CNMD: variants seen among roughly 807,000 people sequenced by gnomAD.
CNMD encodes chondromodulin, also known as leukocyte cell-derived chemotaxin 1.
CNMD carries 30 observed loss-of-function variants against 37.5 expected under a neutral mutation model. That is an observed-to-expected ratio of 0.80 (90% CI 0.60 to 1.09). CNMD has a LOEUF of 1.09. Ranked by LOEUF, CNMD falls within the 50% of genes least tolerant of loss-of-function variation. CNMD has a pLI of 0.00. For missense variants in CNMD, 398 were observed against 423.9 expected (o/e 0.94, Z 0.54); for synonymous variants, 167 against 148.2 (o/e 1.13, Z -0.92).
rs971927923 is a variant in CNMD, at chr13:52,739,419, G to A, written c.72+211C>T. The stretch of plus-strand genomic sequence containing the variant: ...CGCCCCAGGACCTGCACCCTCTACC[G>A]GCCACGGGACGTCCCTCCGCACCCG... On this transcript the variant is annotated intron_variant, in intron 1 of 6. Coordinates refer to ENST00000377962, the MANE Select transcript of CNMD (RefSeq NM_007015.3). This position sits in a 1 kb window ranked among gnomAD's most constrained non-coding sequence, Gnocchi z 5.4. 1.8e-5 allele frequency: 12 copies of A among 666,992 alleles called. No homozygotes were observed. The highest frequency in any genetic ancestry group is 2.8e-5 in the Admixed American group (1 of 35,964). The allele number at this position is 666,992 out of a possible 1,614,324, so 41.3% of individuals were successfully genotyped here. A position where few individuals can be genotyped will look rare whatever the true frequency, so the allele number is the denominator to read the frequency against.
At chr13:52,719,357 G>C (rs1964442446) in intron 4 of CNMD, among the ~76,000 whole-genome samples, 1 of 152,166 alleles carries the variant, frequency 6.6e-6, no homozygotes, top group South Asian at 2.1e-4. Flanking sequence ...GTGTGAATTT[G>C]ATCCTATCAT....
intron 4 of CNMD, among the ~76,000 whole-genome samples, chr13:52,722,773 G>A (rs545278058): frequency 1.2e-4 from 18 of 152,232 alleles, no homozygotes; most frequent in Non-Finnish European, 2.4e-4. Flanking sequence ...AAGCTCAAAG[G>A]CAAGTTATTA....
Position 52,724,064 on chromosome 13 carries a change from TTAATG to T in CNMD, c.396_400del (p.Tyr132Ter). 2 of 1,614,112 alleles carry T rather than the reference TTAATG, an allele frequency of 1.2e-6. No individual in the cohort carries two copies. The highest frequency in any genetic ancestry group is 1.7e-6 in the Non-Finnish European group (2 of 1,180,018). On this transcript the variant is annotated stop_gained and frameshift_variant, in exon 4 of 7. Coordinates refer to ENST00000377962, the MANE Select transcript of CNMD (RefSeq NM_007015.3). LOFTEE classifies it high-confidence loss of function. ...AGGAATACGAGCCTTCACTTGCGCTTTAATGTAGCACTTCTCTCCTCCAGCAAAAC... is the reference window on the plus strand; with the variant it reads ...AGGAATACGAGCCTTCACTTGCGCTTTAGCACTTCTCTCCTCCAGCAAAAC...
At chr13:52,728,971 ACCT>A (rs1387417858) in intron 3 of CNMD, among the ~76,000 whole-genome samples, 1 of 152,166 alleles carries the variant, frequency 6.6e-6, no homozygotes, top group Non-Finnish European at 1.5e-5. Flanking sequence ...AGCCAAGCAA[ACCT>A]CCTGTTTTTG....
At chr13:52,710,138 G>A (rs374259294) in intron 5 of CNMD, among the ~76,000 whole-genome samples, 29 of 152,306 alleles carry the variant, frequency 1.9e-4, no homozygotes, top group African/African-American at 7.0e-4. Context: ...AATAAGCACT[G>A]AACTATTAGG....
chr13:52,723,093 G>C (rs766512471), intron 4 of CNMD, among the ~76,000 whole-genome samples: 1 of 151,468 alleles, frequency 6.6e-6, no homozygotes, highest in Non-Finnish European at 1.5e-5. Context: ...AGTCTCTTTC[G>C]GGTTTTTTTA....
chr13:52,730,858 C>T (rs1004959892), intron 3 of CNMD, among the ~76,000 whole-genome samples: 3 of 151,822 alleles, frequency 2.0e-5, no homozygotes, highest in Non-Finnish European at 4.4e-5. Context: ...TATCCTCCGT[C>T]GGGGGTTGTT....
intron 2 of CNMD, among the ~76,000 whole-genome samples, chr13:52,738,578 A>G (rs1964815118): frequency 1.3e-5 from 2 of 152,232 alleles, no homozygotes; most frequent in Admixed American, 6.5e-5. Context: ...TTCCTTCCCA[A>G]TGGGTCTGAA....
chr13:52,709,625 C>G (rs747369764), intron 5 of CNMD, among the ~76,000 whole-genome samples: 2 of 152,144 alleles, frequency 1.3e-5, no homozygotes, highest in Non-Finnish European at 2.9e-5. Context: ...CTCCCTGGCT[C>G]TAGTTTACCA....
rs137927759 is a variant in CNMD at position 52,736,896 on chromosome 13, G to C, written c.213+2135C>G. Among the ~76,000 whole-genome samples the C allele has an allele frequency of 1.6e-3, 238 of 152,262 alleles. 2 individuals carry two copies. Among genetic ancestry groups the C allele is most frequent in the African/African-American group, 5.4e-3 (224 of 41,562 alleles). ...GAAATTTCCCATATTTCAATGCCTT[G>C]TTCCATTTACAATAATGTGGATGAA... On this transcript the variant is annotated intron_variant, in intron 2 of 6. Transcript: ENST00000377962.
chr13:52,704,449 T>C (rs1814844851), intron 6 of CNMD, among the ~76,000 whole-genome samples: 1 of 41,648 alleles, frequency 2.4e-5, no homozygotes, highest in South Asian at 1.2e-3. Flanking sequence ...TGCCTTCTAG[T>C]TTTTTATGTA....
At chr13:52,731,056 A>C (rs1305085308) in intron 3 of CNMD, among the ~76,000 whole-genome samples, 1 of 152,104 alleles carries the variant, frequency 6.6e-6, no homozygotes, top group Non-Finnish European at 1.5e-5. Flanking sequence ...ATTCATGTTC[A>C]CTATTTTTCC....
chr13:52,724,225 G>C, intron 3 of CNMD, 115 bp from the exon 4 acceptor site: 1 of 743,600 alleles, frequency 1.3e-6, no homozygotes. Flanking sequence ...ATGAACAAAA[G>C]AGATGGAACT....
At chr13:52,738,943 G>T in intron 2 of CNMD, 88 bp downstream of exon 2, 2 of 1,269,938 alleles carry the variant, frequency 1.6e-6, no homozygotes, top group South Asian at 2.3e-5. Context: ...GCCGGCAGCC[G>T]CGCGCCCCTC....
chr13:52,738,935 C>G (rs940618563), intron 2 of CNMD, 96 bp downstream of exon 2: 6 of 1,213,050 alleles, frequency 4.9e-6, no homozygotes, highest in Non-Finnish European at 6.4e-6. Context: ...AGGGGCCCGC[C>G]GGCAGCCGCG....
At chr13:52,718,155 G>A (rs1964422016) in intron 4 of CNMD, among the ~76,000 whole-genome samples, 1 of 152,030 alleles carries the variant, frequency 6.6e-6, no homozygotes, top group South Asian at 2.1e-4. Context: ...ATTATCTGAC[G>A]GTAGTTTGTA....
chr13:52,735,618 T>C (rs2104394), intron 2 of CNMD, among the ~76,000 whole-genome samples: 97,604 of 151,272 alleles, frequency 0.65, 32,028 homozygotes, highest in East Asian at 0.79. Context: ...GAAGAAGAAT[T>C]GTCTTGGACC....
intron 3 of CNMD, among the ~76,000 whole-genome samples, chr13:52,724,311 C>T (rs941138864): frequency 2.0e-5 from 3 of 151,186 alleles, no homozygotes; most frequent in East Asian, 2.0e-4. Flanking sequence ...CGGTGGCTCA[C>T]GCCTGTAATC....
At chr13:52,717,251 A>C (rs1445695751) in intron 4 of CNMD, among the ~76,000 whole-genome samples, 1 of 152,156 alleles carries the variant, frequency 6.6e-6, no homozygotes, top group Non-Finnish European at 1.5e-5. Context: ...TGCTGAGGCA[A>C]TGGAGTTTTC....
Sources: allele counts gnomAD v4.1 joint callset (sites outside exome capture counted in the v4.1 genomes callset), GRCh38; gene constraint gnomAD v4.1.1; non-coding constraint Gnocchi (gnomAD v3.1); transcripts MANE v1.5; gene names NCBI Gene and HGNC (gene_info 2026-07-23, HGNC 2026-07-21).